The following FMNL2 variants were observed in gnomAD, a reference collection of about 807,000 sequenced individuals.
The protein encoded by FMNL2 is formin like 2.
In FMNL2, 51 loss-of-function variants were observed where a neutral mutation model predicts 130.2. That is an observed-to-expected ratio of 0.39 (90% CI 0.31 to 0.49). The LOEUF (loss-of-function observed/expected upper bound fraction) is 0.49, where lower values mean the gene tolerates loss of function less well. Ranked by LOEUF, FMNL2 falls within the 20% of genes least tolerant of loss-of-function variation. The probability of loss-of-function intolerance (pLI) is 0.85; values close to 1 mark genes in which losing one functional copy is unlikely to be tolerated. For missense variants in FMNL2, 977 were observed against 1,316.2 expected (o/e 0.74, Z 3.99); for synonymous variants, 465 against 467.1 (o/e 1.00, Z 0.06).
intron 1 of FMNL2, among the ~76,000 whole-genome samples, chr2:152,470,248 C>G (rs569554774): frequency 2.9e-4 from 44 of 152,260 alleles, no homozygotes; most frequent in Admixed American, 1.8e-3. Context: ...GTTCTGGTTC[C>G]ATTTCTGCCT....
At chr2:152,586,704 T>C (rs1400505709) in intron 9 of FMNL2, among the ~76,000 whole-genome samples, 1 of 152,176 alleles carries the variant, frequency 6.6e-6, no homozygotes, top group Non-Finnish European at 1.5e-5. Context: ...ATTAGATTGA[T>C]CTAATTAACC....
At chr2:152,365,642 G>T (rs138408698) in intron 1 of FMNL2, among the ~76,000 whole-genome samples, 197 of 152,136 alleles carry the variant, frequency 1.3e-3, no homozygotes, top group African/African-American at 4.4e-3. Context: ...GTGTGGTGGT[G>T]GACGCCTATA....
chr2:152,452,441 T>TA (rs1688694864), intron 1 of FMNL2, among the ~76,000 whole-genome samples: 5 of 152,314 alleles, frequency 3.3e-5, no homozygotes, highest in Middle Eastern at 3.4e-3. Flanking sequence ...GTTGTCACCT[T>TA]ACTGTTGTAG....
Position 152,616,003 on chromosome 2 carries a change from A to G in FMNL2, c.1212+1003A>G, listed in dbSNP as rs114256466. Among the ~76,000 whole-genome samples the G allele has an allele frequency of 1.7e-3, 257 of 152,224 alleles. 3 individuals are homozygous for G. Among genetic ancestry groups the G allele is most frequent in the African/African-American group, 5.8e-3 (240 of 41,530 alleles). On this transcript the variant is annotated intron_variant, in intron 12 of 25. Transcript: ENST00000288670. Reference sequence around the variant, plus strand: ...CAGCTGGCATCCGCTTAAAAAGAGAATTTTACAGGCCCAGTATATCTTCCC... The same window carrying G: ...CAGCTGGCATCCGCTTAAAAAGAGAGTTTTACAGGCCCAGTATATCTTCCC...
intron 6 of FMNL2, among the ~76,000 whole-genome samples, chr2:152,574,071 T>C (rs1449473865): frequency 6.6e-6 from 1 of 152,172 alleles, no homozygotes; most frequent in Non-Finnish European, 1.5e-5. Context: ...AAAGAGACTA[T>C]TGCAATATAG....
At chr2:152,520,485 C>T (rs10188611) in intron 1 of FMNL2, among the ~76,000 whole-genome samples, 83,532 of 151,414 alleles carry the variant, frequency 0.55, 23,756 homozygotes, top group Non-Finnish European at 0.63. Flanking sequence ...ATCCCAGCTA[C>T]TTAGGAGGCT....
intron 1 of FMNL2, among the ~76,000 whole-genome samples, chr2:152,391,401 G>A (rs1457515812): frequency 6.6e-6 from 1 of 152,214 alleles, no homozygotes; most frequent in African/African-American, 2.4e-5. Flanking sequence ...AAGCATAACT[G>A]AAGGCAGTAG....
intron 1 of FMNL2, among the ~76,000 whole-genome samples, chr2:152,476,411 C>T (rs902630550): frequency 2.0e-5 from 3 of 152,208 alleles, no homozygotes; most frequent in Non-Finnish European, 4.4e-5. Flanking sequence ...TGGCTCACTC[C>T]TGTAATCCCA....
chr2:152,531,936 G>A (rs181040671), intron 2 of FMNL2, among the ~76,000 whole-genome samples: 1 of 152,270 alleles, frequency 6.6e-6, no homozygotes, highest in East Asian at 1.9e-4. Flanking sequence ...TACAGAAGTT[G>A]GATCAAGCTA....
intron 2 of FMNL2, among the ~76,000 whole-genome samples, chr2:152,536,763 T>C (rs1397334335): frequency 6.6e-6 from 1 of 152,208 alleles, no homozygotes; most frequent in Non-Finnish European, 1.5e-5. Context: ...ATTTCTATTT[T>C]CAGATGTCAT....
intron 1 of FMNL2, among the ~76,000 whole-genome samples, chr2:152,453,971 A>G (rs1344548651): frequency 1.3e-5 from 2 of 152,170 alleles, no homozygotes; most frequent in East Asian, 3.8e-4. Flanking sequence ...AAAATTAAGT[A>G]TTAGATTTAT....
At position 152,542,925 on chromosome 2, in the gene FMNL2, G is replaced by A; in HGVS notation, c.282+106G>A. Reference sequence around the variant, plus strand: ...TTCCTCTGCATTAGAGCCTCTGCCAGAGCCTCCACAAAAAACAACCTTGGG... The same window carrying A: ...TTCCTCTGCATTAGAGCCTCTGCCAAAGCCTCCACAAAAAACAACCTTGGG... On this transcript the variant is annotated intron_variant, in intron 3 of 25. Transcript: ENST00000288670. 2.4e-6 allele frequency: 3 copies of A among 1,263,710 alleles called. No homozygotes were observed. The South Asian group carries it at 3.9e-5, about 16-fold the overall frequency. The allele number at this position is 1,263,710 out of a possible 1,614,324, so 78.3% of individuals were successfully genotyped here. A position where few individuals can be genotyped will look rare whatever the true frequency, so the allele number is the denominator to read the frequency against.
At chr2:152,389,979 C>T (rs1251963130) in intron 1 of FMNL2, 2 of 1,420,486 alleles carry the variant, frequency 1.4e-6, no homozygotes, top group Non-Finnish European at 2.0e-6. Flanking sequence ...TAAAGGCAGA[C>T]AGGCAGAGAG....
At chr2:152,442,978 C>T (rs993299604) in intron 1 of FMNL2, among the ~76,000 whole-genome samples, 21 of 152,036 alleles carry the variant, frequency 1.4e-4, no homozygotes, top group African/African-American at 4.1e-4. Flanking sequence ...TCGCTCGGGC[C>T]GCAGCAGGAA....
rs1580092024 is a variant in FMNL2 at position 152,610,875 on chromosome 2, T to C, written c.952-620T>C. On this transcript the variant is annotated intron_variant, in intron 10 of 25. Coordinates refer to ENST00000288670, the MANE Select transcript of FMNL2 (RefSeq NM_052905.4). ...TGAGTAAAAGTCACACTTTTTAAAG[T>C]GGCCACCCTTTTTTACATTACCACC... Among the ~76,000 whole-genome samples, 6 of 152,328 alleles carry C rather than the reference T, an allele frequency of 3.9e-5. 1 individual carries two copies. In the South Asian group the frequency reaches 1.2e-3, roughly 32 times the overall value.
At chr2:152,461,777 T>A (rs924254228) in intron 1 of FMNL2, among the ~76,000 whole-genome samples, 9 of 152,164 alleles carry the variant, frequency 5.9e-5, no homozygotes, top group African/African-American at 1.4e-4. Flanking sequence ...TTGTATAGGA[T>A]GGTTTTGTGC....
Position 152,336,005 on chromosome 2 carries a change from T to G in FMNL2, c.117+285T>G, listed in dbSNP as rs552306808. 3.1e-3 allele frequency among the ~76,000 whole-genome samples: 463 copies of G among 150,954 alleles called. 2 individuals carry two copies. Among genetic ancestry groups the G allele is most frequent in the Non-Finnish European group, 4.8e-3 (322 of 67,670 alleles). On this transcript the variant is annotated intron_variant, in intron 1 of 25. Coordinates refer to ENST00000288670, the MANE Select transcript of FMNL2 (RefSeq NM_052905.4). Reference sequence around the variant, plus strand: ...CTGGAGAGGCACCTCACGGCGCGTGTGCCCGGGAGGTGCGGCGTGGGCGTG... The same window carrying G: ...CTGGAGAGGCACCTCACGGCGCGTGGGCCCGGGAGGTGCGGCGTGGGCGTG...
intron 20 of FMNL2, among the ~76,000 whole-genome samples, chr2:152,631,174 T>G (rs1580138313): frequency 6.6e-6 from 1 of 151,242 alleles, no homozygotes; most frequent in Non-Finnish European, 1.5e-5. Flanking sequence ...TCACCTGAGG[T>G]CAGGAGTTTG....
At chr2:152,644,635 A>G (rs34627727) in intron 25 of FMNL2, among the ~76,000 whole-genome samples, 3,499 of 152,322 alleles carry the variant, frequency 0.023, 49 homozygotes, top group Middle Eastern at 0.078. Context: ...GTGAGGCAGG[A>G]CATGAATACA....
Sources: gnomAD v4.1 joint callset for allele counts (sites outside exome capture counted in the v4.1 genomes callset) on GRCh38, gnomAD v4.1.1 for gene constraint, MANE v1.5 for transcripts, NCBI Gene and HGNC (gene_info 2026-07-23, HGNC 2026-07-21) for gene names.